The following APBA1 variants were observed in gnomAD, a reference collection of about 807,000 sequenced individuals.
APBA1 encodes the protein amyloid-beta A4 precursor protein-binding family A member 1.
Under a neutral mutation model 86.6 loss-of-function variants are expected in APBA1, and 55 were observed. The observed-to-expected ratio is 0.64, with a 90% CI of 0.51 to 0.80. The LOEUF (loss-of-function observed/expected upper bound fraction) is 0.80. Among genes scored for constraint, APBA1 ranks in the 30% least tolerant of loss-of-function variants. The probability of loss-of-function intolerance (pLI) is 0.00; values close to 1 mark genes in which losing one functional copy is unlikely to be tolerated. For synonymous variants in APBA1, 511 were observed against 493.9 expected, an observed-to-expected ratio of 1.03 and a Z score of -0.46; for missense variants, 1,090 against 1,183.0, an observed-to-expected ratio of 0.92 and a Z score of 1.15.
chr9:69,643,595 C>T (rs988873917), intron 1 of APBA1, among the ~76,000 whole-genome samples: 9 of 152,160 alleles, frequency 5.9e-5, no homozygotes, highest in African/African-American at 1.7e-4. Context: ...TCTCTATGCA[C>T]ATGAGCCAAA....
chr9:69,471,985 C>T (rs150650283), intron 3 of APBA1, among the ~76,000 whole-genome samples: 141 of 152,240 alleles, frequency 9.3e-4, no homozygotes, highest in African/African-American at 3.2e-3. Context: ...TCTCTAACAA[C>T]AATAAAAAGG....
At chr9:69,559,945 G>GTT (rs1836922583) in intron 1 of APBA1, among the ~76,000 whole-genome samples, 1 of 152,164 alleles carries the variant, frequency 6.6e-6, no homozygotes, top group African/African-American at 2.4e-5. Context: ...CACTAGAGTA[G>GTT]TTTTGGCCCC....
At chr9:69,511,107 A>G (rs1185370603) in intron 2 of APBA1, among the ~76,000 whole-genome samples, 2 of 152,016 alleles carry the variant, frequency 1.3e-5, no homozygotes, top group Admixed American at 1.3e-4. Context: ...CTGCACAGCA[A>G]AAGAAACTAC....
intron 4 of APBA1, 140 bp from the exon 5 acceptor site, chr9:69,468,108 CTG>C: frequency 1.1e-6 from 1 of 941,256 alleles, no homozygotes; most frequent in African/African-American, 1.6e-5. Context: ...AGGCATCTCT[CTG>C]TGTCTATCTG....
At chr9:69,467,041 C>T (rs1835290807) in intron 5 of APBA1, among the ~76,000 whole-genome samples, 1 of 152,190 alleles carries the variant, frequency 6.6e-6, no homozygotes, top group Non-Finnish European at 1.5e-5. Flanking sequence ...GGCACAATGG[C>T]ATGTGGATGA....
rs1246241173 is a variant in APBA1 at position 69,662,046 on chromosome 9, ACAC to A, written c.-70+10104_-70+10106del. 6.1e-4 allele frequency among the ~76,000 whole-genome samples: 92 copies of A among 151,960 alleles called. 1 individual carries two copies. In the Middle Eastern group the frequency reaches 0.014, roughly 22 times the overall value. ...AACACACACACACACACACACACAC[ACAC>A]ACACACAGACATCCCAAGTAGGATG... On this transcript the variant is annotated intron_variant, in intron 1 of 12. Transcript: ENST00000265381.
At chr9:69,559,661 T>C (rs944131419) in intron 1 of APBA1, among the ~76,000 whole-genome samples, 2 of 152,220 alleles carry the variant, frequency 1.3e-5, no homozygotes, top group African/African-American at 4.8e-5. Flanking sequence ...GTTATTCCAA[T>C]GTGTTTTAGG....
In APBA1 at chr9:69,517,105, C is replaced by G; in HGVS notation, c.106G>C (p.Glu36Gln). Residue 36 changes from glutamate to glutamine, a missense_variant, in exon 2 of 13, where the codon GAG becomes CAG. By Grantham distance (29) the Glu-to-Gln change is conservative. This residue lies in a region of APBA1 where 678 missense variants were observed against 647.1 expected (regional missense o/e 1.05). Coordinates refer to ENST00000265381, the MANE Select transcript of APBA1 (RefSeq NM_001163.4). ...EADLEHPEVE[E>Q]EQQQPPQQQH... is the part of the protein sequence containing the mutation. ...TGCTGCGGCGGCTGCTGCTGTTCCT[C>G]TTCCACCTCGGGGTGCTCCAGGTCG... is the stretch of plus-strand genomic sequence containing the variant. 5 of 1,578,298 alleles carry G rather than the reference C, an allele frequency of 3.2e-6. No homozygotes were observed. The highest frequency in any genetic ancestry group is 4.3e-6 in the Non-Finnish European group (5 of 1,165,906).
intron 5 of APBA1, chr9:69,463,437 A>T (rs1835224318): frequency 6.6e-6 from 1 of 152,232 alleles, no homozygotes; most frequent in African/African-American, 2.4e-5. Context: ...AATCTTGTAA[A>T]TTTTTTGTTA....
intron 1 of APBA1, among the ~76,000 whole-genome samples, chr9:69,604,903 C>T (rs891378035): frequency 1.2e-4 from 18 of 151,864 alleles, no homozygotes; most frequent in Middle Eastern, 3.2e-3. Context: ...AGAGGAGAGG[C>T]ACACGGGTAT....
chr9:69,573,595 C>G (rs988319281), intron 1 of APBA1, among the ~76,000 whole-genome samples: 1 of 152,150 alleles, frequency 6.6e-6, no homozygotes, highest in Non-Finnish European at 1.5e-5. Flanking sequence ...TCTTTAGATT[C>G]TAGTCCCAGT....
chr9:69,564,172 T>C (rs1196918358), intron 1 of APBA1, among the ~76,000 whole-genome samples: 2 of 152,300 alleles, frequency 1.3e-5, no homozygotes, highest in South Asian at 2.1e-4. Flanking sequence ...ATGGAACTCA[T>C]ACCCAAATGC....
chr9:69,528,096 A>G (rs1836370859), intron 1 of APBA1, among the ~76,000 whole-genome samples: 1 of 152,194 alleles, frequency 6.6e-6, no homozygotes, highest in Non-Finnish European at 1.5e-5. Flanking sequence ...TAGTGGCCAC[A>G]TCTTTAATAT....
Position 69,558,641 on chromosome 9 carries a change from C to T in APBA1, c.-69-41362G>A, listed in dbSNP as rs142623398. ...GGGGTACATGTGCAGGTTTGTTATG[C>T]AGGTAAATTCATGTCACAGGGGCTC... On this transcript the variant is annotated intron_variant, in intron 1 of 12. Coordinates refer to ENST00000265381, the MANE Select transcript of APBA1 (RefSeq NM_001163.4). Among the ~76,000 whole-genome samples, 694 of 151,330 alleles carry T rather than the reference C, an allele frequency of 4.6e-3. 6 individuals carry two copies. Among genetic ancestry groups the T allele is most frequent in the African/African-American group, 0.016 (673 of 41,312 alleles).
chr9:69,523,307 A>C (rs530166758), intron 1 of APBA1, among the ~76,000 whole-genome samples: 73 of 151,954 alleles, frequency 4.8e-4, no homozygotes, highest in African/African-American at 1.7e-3. Context: ...AAGAAGGGTC[A>C]GACATAAGGC....
Position 69,620,942 on chromosome 9 carries a change from G to A in APBA1, c.-70+51211C>T, listed in dbSNP as rs181118748. Among the ~76,000 whole-genome samples the A allele has an allele frequency of 9.6e-4, 146 of 152,298 alleles. 1 individual carries two copies. Among genetic ancestry groups the A allele is most frequent in the African/African-American group, 2.7e-3 (114 of 41,568 alleles). ...CAGCAAGGCTTGGGTAGCAGCATGC[G>A]GCGGTCCTGCATGTGGGCTTAAATC... On this transcript the variant is annotated intron_variant, in intron 1 of 12. Coordinates refer to ENST00000265381, the MANE Select transcript of APBA1 (RefSeq NM_001163.4).
intron 1 of APBA1, among the ~76,000 whole-genome samples, chr9:69,523,593 C>T (rs1006142578): frequency 2.1e-4 from 31 of 146,742 alleles, no homozygotes; most frequent in African/African-American, 7.9e-4. Context: ...ACAAGTTCTT[C>T]TAGACCTATG....
intron 1 of APBA1, among the ~76,000 whole-genome samples, chr9:69,649,706 T>C (rs1415972184): frequency 6.6e-6 from 1 of 152,126 alleles, no homozygotes; most frequent in African/African-American, 2.4e-5. Flanking sequence ...AGCACTCACA[T>C]CACAGTGAGT....
intron 1 of APBA1, among the ~76,000 whole-genome samples, chr9:69,635,297 G>A (rs751911280): frequency 1.5e-4 from 23 of 152,190 alleles, no homozygotes; most frequent in Admixed American, 6.5e-4. Context: ...GTTGTGATCA[G>A]TTTAAAATAA....
Sources: allele counts gnomAD v4.1 joint callset (sites outside exome capture counted in the v4.1 genomes callset), GRCh38; gene constraint gnomAD v4.1.1; regional missense constraint gnomAD v4.1.1; transcripts MANE v1.5; gene names NCBI Gene and HGNC (gene_info 2026-07-23, HGNC 2026-07-21).